Variants in SHISA9 observed in about 807,000 individuals in gnomAD.
The protein encoded by SHISA9 is shisa family member 9.
SHISA9 carries 13 observed loss-of-function variants against 38.0 expected under a neutral mutation model. The ratio of observed to expected loss-of-function variants is 0.34; its 90% CI spans 0.22 to 0.54. SHISA9 has a LOEUF of 0.54. Ranked by LOEUF, SHISA9 falls within the 20% of genes least tolerant of loss-of-function variation. The pLI, the probability that SHISA9 is intolerant of heterozygous loss-of-function variation, is 0.91. For missense variants in SHISA9, 538 were observed against 575.8 expected, an observed-to-expected ratio of 0.93 and a Z score of 0.67; for synonymous variants, 275 against 242.0, an observed-to-expected ratio of 1.14 and a Z score of -1.27.
the SHISA9 span, among the ~76,000 whole-genome samples, chr16:13,390,537 G>A: frequency 3.3e-5 from 5 of 152,184 alleles, no homozygotes; most frequent in East Asian, 9.6e-4. Flanking sequence ...CTCTGCTGCT[G>A]CCCTTTTCTG....
At chr16:13,307,459 A>G in the SHISA9 span, among the ~76,000 whole-genome samples, 1 of 152,150 alleles carries the variant, frequency 6.6e-6, no homozygotes, top group South Asian at 2.1e-4. Flanking sequence ...GTTCTAGTAG[A>G]AGCACGTGGT....
Position 12,902,035 on chromosome 16 carries a change from C to A in SHISA9, c.-30C>A. 7.0e-7 allele frequency: 1 copy of A among 1,430,956 alleles called. No individual in the cohort carries two copies. The highest frequency in any genetic ancestry group is 2.9e-5 in the Admixed American group (1 of 34,466). The allele number at this position is 1,430,956 out of a possible 1,614,324, so 88.6% of individuals were successfully genotyped here. On this transcript the variant is annotated 5_prime_UTR_variant, in exon 1 of 5. Transcript: ENST00000558583. ...CGGCCGCAGAGGCTCCAGCGGCGGC[C>A]GAGCGGCCGAGCCCGGGCTGGGAGA...
At chr16:13,462,769 C>G in the SHISA9 span, among the ~76,000 whole-genome samples, 1 of 152,076 alleles carries the variant, frequency 6.6e-6, no homozygotes, top group African/African-American at 2.4e-5. Context: ...CGAGACCAGC[C>G]TGGCCAACAT....
chr16:13,019,911 CTTTCTTTCTTTCTT>C (rs2072821020), intron 2 of SHISA9, among the ~76,000 whole-genome samples: 1 of 66,434 alleles, frequency 1.5e-5, no homozygotes, highest in Admixed American at 1.6e-4. Context: ...TTCTTTCTTT[CTTTCTTTCTTTCTT>C]TCTTTCTTTC....
At chr16:13,509,057 G>A in the SHISA9 span, among the ~76,000 whole-genome samples, 1 of 152,122 alleles carries the variant, frequency 6.6e-6, no homozygotes, top group Admixed American at 6.6e-5. Context: ...ACCCTCCTTG[G>A]CTCCAAATTA....
At chr16:12,950,600 A>C (rs2071741594) in intron 2 of SHISA9, among the ~76,000 whole-genome samples, 1 of 151,810 alleles carries the variant, frequency 6.6e-6, no homozygotes, top group Non-Finnish European at 1.5e-5. Context: ...TAGATCTACC[A>C]TATGACCTTT....
the SHISA9 span, among the ~76,000 whole-genome samples, chr16:13,520,860 A>G: frequency 6.6e-6 from 1 of 152,160 alleles, no homozygotes; most frequent in Non-Finnish European, 1.5e-5. Context: ...TTTTTTACTG[A>G]CATATAATAA....
At chr16:13,116,372 T>C (rs1206052100) in intron 2 of SHISA9, among the ~76,000 whole-genome samples, 1 of 152,230 alleles carries the variant, frequency 6.6e-6, no homozygotes, top group African/African-American at 2.4e-5. Context: ...TAATGGTCTT[T>C]GGCTCTGAGA....
the SHISA9 span, among the ~76,000 whole-genome samples, chr16:13,522,677 A>G: frequency 6.6e-6 from 1 of 152,186 alleles, no homozygotes; most frequent in Non-Finnish European, 1.5e-5. Flanking sequence ...TGACCTTATA[A>G]AAGCTGCAGT....
intron 2 of SHISA9, among the ~76,000 whole-genome samples, chr16:12,982,138 C>T (rs937709476): frequency 2.6e-5 from 4 of 152,226 alleles, no homozygotes; most frequent in Admixed American, 6.5e-5. Flanking sequence ...GAAACTTCCT[C>T]TGAGTCATAC....
chr16:13,464,342 C>G, the SHISA9 span, among the ~76,000 whole-genome samples: 1 of 152,130 alleles, frequency 6.6e-6, no homozygotes, highest in Non-Finnish European at 1.5e-5. Context: ...CTTTCACTGG[C>G]CTGTCTTACC....
the SHISA9 span, among the ~76,000 whole-genome samples, chr16:13,259,629 C>T: frequency 6.6e-6 from 1 of 152,324 alleles, no homozygotes; most frequent in East Asian, 1.9e-4. Context: ...GTTCCCAAAC[C>T]TCAGTTTTTG....
chr16:13,380,989 G>C, the SHISA9 span, among the ~76,000 whole-genome samples: 2 of 152,086 alleles, frequency 1.3e-5, no homozygotes, highest in African/African-American at 4.8e-5. Flanking sequence ...CCCCTGCAAA[G>C]GACATGAACT....
chr16:13,510,791 G>T, the SHISA9 span, among the ~76,000 whole-genome samples: 11 of 148,720 alleles, frequency 7.4e-5, no homozygotes, highest in Non-Finnish European at 1.0e-4. Flanking sequence ...AATTTTCTGG[G>T]TTTTTTTTTT....
At chr16:13,509,846 C>A in the SHISA9 span, among the ~76,000 whole-genome samples, 7 of 152,250 alleles carry the variant, frequency 4.6e-5, no homozygotes, top group East Asian at 1.4e-3. Flanking sequence ...AGCTTCAAAT[C>A]CTGGTTCTCT....
the SHISA9 span, among the ~76,000 whole-genome samples, chr16:13,541,048 C>G: frequency 1.3e-5 from 2 of 152,152 alleles, no homozygotes; most frequent in African/African-American, 2.4e-5. Flanking sequence ...CTTTGGGAAG[C>G]AAAATCAATG....
At chr16:13,413,773 A>T in the SHISA9 span, among the ~76,000 whole-genome samples, 1 of 151,160 alleles carries the variant, frequency 6.6e-6, no homozygotes, top group Non-Finnish European at 1.5e-5. Context: ...AAAAAAAAAA[A>T]AAAAAAAAAA....
At chr16:13,546,834 A>T in the SHISA9 span, among the ~76,000 whole-genome samples, 101 of 152,280 alleles carry the variant, frequency 6.6e-4, no homozygotes, top group Non-Finnish European at 1.3e-3. Context: ...ACGGTCTGTT[A>T]AGCCTAAAAT....
At chr16:12,990,433 C>T (rs1383704479) in intron 2 of SHISA9, among the ~76,000 whole-genome samples, 2 of 152,248 alleles carry the variant, frequency 1.3e-5, no homozygotes, top group Non-Finnish European at 2.9e-5. Context: ...TCAGCAACCT[C>T]ACCAGCATCT....
Sources: allele counts gnomAD v4.1 joint callset (sites outside exome capture counted in the v4.1 genomes callset), GRCh38; gene constraint gnomAD v4.1.1; transcripts MANE v1.5; gene names NCBI Gene and HGNC (gene_info 2026-07-23, HGNC 2026-07-21).